The following GSG1L variants were observed in gnomAD, a reference collection of about 807,000 sequenced individuals.
GSG1L encodes the protein germ cell-specific gene 1-like protein.
Under a neutral mutation model 42.1 loss-of-function variants are expected in GSG1L, and 24 were observed. The ratio of observed to expected loss-of-function variants is 0.57; its 90% confidence interval spans 0.41 to 0.80. The LOEUF (loss-of-function observed/expected upper bound fraction) is 0.80, where lower values mean the gene tolerates loss of function less well. Ranked by LOEUF, GSG1L falls within the 30% of genes least tolerant of loss-of-function variation. GSG1L has a pLI of 0.00. For missense variants in GSG1L, 445 were observed against 472.2 expected (o/e 0.94, Z 0.53); for synonymous variants, 215 against 203.5 (o/e 1.06, Z -0.48).
intron 2 of GSG1L, among the ~76,000 whole-genome samples, chr16:27,905,709 ACTT>A (rs941265823): frequency 1.3e-5 from 2 of 152,172 alleles, no homozygotes; most frequent in East Asian, 1.9e-4. Context: ...CGAAGAATGT[ACTT>A]CTTCTGTCTC....
At chr16:27,797,248 G>A (rs972827531) in intron 6 of GSG1L, among the ~76,000 whole-genome samples, 1 of 152,206 alleles carries the variant, frequency 6.6e-6, no homozygotes, top group Non-Finnish European at 1.5e-5. Context: ...AATCTGCTGG[G>A]TGCAGTGGCA....
intron 6 of GSG1L, among the ~76,000 whole-genome samples, chr16:27,802,453 A>G (rs1315215867): frequency 2.0e-5 from 3 of 152,100 alleles, no homozygotes; most frequent in Non-Finnish European, 4.4e-5. Flanking sequence ...CCAGGGAATG[A>G]CGGCCATCCC....
chr16:28,039,631 G>A (rs979968405), intron 1 of GSG1L, among the ~76,000 whole-genome samples: 5 of 148,804 alleles, frequency 3.4e-5, no homozygotes, highest in Admixed American at 6.7e-5. Flanking sequence ...AGACATGTAC[G>A]TGCGTGCACA....
In GSG1L at chr16:28,059,442, C is replaced by T. The variant is rs536666927; in HGVS notation, c.349+3634G>A. On this transcript the variant is annotated intron_variant, in intron 1 of 6. Transcript: ENST00000447459. The surrounding 1 kb of genome is among the most constrained non-coding windows in gnomAD (Gnocchi z 4.4). ...TCTCTTCTCTCTCCAGTCTCACCTC[C>T]CTCCTGCCAGCCTGGCAAGTCCCCC... Among the ~76,000 whole-genome samples, 29 of 152,194 alleles carry T rather than the reference C, an allele frequency of 1.9e-4. No homozygotes were observed. The highest frequency in any genetic ancestry group is 6.7e-4 in the African/African-American group (28 of 41,528).
intron 3 of GSG1L, among the ~76,000 whole-genome samples, chr16:27,847,978 A>T (rs1486496379): frequency 6.6e-6 from 1 of 152,236 alleles, no homozygotes; most frequent in Non-Finnish European, 1.5e-5. Context: ...TGACTAATAC[A>T]GTCACTTACC....
intron 1 of GSG1L, among the ~76,000 whole-genome samples, chr16:28,048,713 T>G (rs2086191027): frequency 6.6e-6 from 1 of 152,242 alleles, no homozygotes; most frequent in African/African-American, 2.4e-5. Flanking sequence ...AGCACTGCAC[T>G]CATAGGATAT....
Position 28,063,192 on chromosome 16 carries a change from C to T in GSG1L, c.233G>A (p.Gly78Glu), listed in dbSNP as rs1398535490. 17 of 1,301,066 alleles carry T rather than the reference C, an allele frequency of 1.3e-5. No homozygotes were observed. The highest frequency in any genetic ancestry group is 2.2e-5 in the South Asian group (1 of 44,884). 80.6% of individuals were successfully genotyped at this position (1,301,066 alleles called of 1,614,324 possible). The change falls in exon 1 of 7, where the codon GGG (glycine) becomes GAG (glutamate). Residue 78 changes from glycine to glutamate, a missense_variant. Transcript: ENST00000447459. The surrounding 1 kb of genome is among the most constrained non-coding windows in gnomAD (Gnocchi z 5.8). ...AAAAAAATAS[G>E]NGPPGGALYS... Reference sequence around the variant, plus strand: ...GAGCGCGCCGCCAGGGGGGCCGTTCCCCGAGGCGGTGGCGGCGGCGGCGGC... The same window carrying T: ...GAGCGCGCCGCCAGGGGGGCCGTTCTCCGAGGCGGTGGCGGCGGCGGCGGC...
At chr16:27,835,376 C>T (rs2083312227) in intron 4 of GSG1L, among the ~76,000 whole-genome samples, 1 of 152,090 alleles carries the variant, frequency 6.6e-6, no homozygotes, top group African/African-American at 2.4e-5. Context: ...TACTTCCAGC[C>T]TATCTATCTC....
intron 2 of GSG1L, among the ~76,000 whole-genome samples, chr16:27,890,829 T>C (rs886138400): frequency 1.3e-5 from 2 of 152,182 alleles, no homozygotes; most frequent in Non-Finnish European, 2.9e-5. Flanking sequence ...AGAAGGTAGT[T>C]GGAGTCAACA....
intron 2 of GSG1L, among the ~76,000 whole-genome samples, chr16:27,892,924 T>G (rs933442887): frequency 6.6e-6 from 1 of 152,134 alleles, no homozygotes; most frequent in African/African-American, 2.4e-5. Context: ...GCAGAATGCC[T>G]GGCCTGTGAT....
chr16:28,025,133 A>G (rs1297542757), intron 1 of GSG1L, among the ~76,000 whole-genome samples: 33 of 152,238 alleles, frequency 2.2e-4, no homozygotes, highest in Admixed American at 2.2e-3. Flanking sequence ...ATCATGGCTC[A>G]GCAGTAGCCT....
rs183700049 is a variant in GSG1L, at chr16:28,003,655, C to A, written c.350-40452G>T. ...AGCTCCCAGAGGAGAAGAACTGGGC[C>A]GGCCAGGTCTCTCCAAAGTGTCCGT... On this transcript the variant is annotated intron_variant, in intron 1 of 6. Coordinates refer to ENST00000447459, the MANE Select transcript of GSG1L (RefSeq NM_001109763.2). Among the ~76,000 whole-genome samples, 587 of 152,244 alleles carry A rather than the reference C, an allele frequency of 3.9e-3. 4 individuals are homozygous for A. The highest frequency in any genetic ancestry group is 0.033 in the South Asian group (161 of 4,818).
At chr16:27,982,361 G>A (rs1229398068) in intron 1 of GSG1L, among the ~76,000 whole-genome samples, 3 of 152,148 alleles carry the variant, frequency 2.0e-5, no homozygotes, top group African/African-American at 7.2e-5. Context: ...ATATTTCCCA[G>A]CATCCCCCGC....
At chr16:27,897,628 C>T (rs1452396865) in intron 2 of GSG1L, among the ~76,000 whole-genome samples, 1 of 152,174 alleles carries the variant, frequency 6.6e-6, no homozygotes, top group Non-Finnish European at 1.5e-5. Context: ...AAAATCACTT[C>T]CTCCCCGAAC....
At chr16:27,997,316 T>C (rs2141140380) in intron 1 of GSG1L, among the ~76,000 whole-genome samples, 1 of 128,684 alleles carries the variant, frequency 7.8e-6, no homozygotes, top group Non-Finnish European at 1.7e-5. Context: ...CCACTTTTTT[T>C]TTTTTTTTTT....
rs2082737359 is a variant in GSG1L at position 27,790,301 on chromosome 16, TCTA to T, written c.*1066_*1068del. ...GGAAGGATAAAGGAGAAGAATATAT[TCTA>T]CGTGGGGAAAAGCTCTAGAAATTCT... On this transcript the variant is annotated 3_prime_UTR_variant, in exon 7 of 7. Transcript: ENST00000447459. The T allele has an allele frequency of 6.6e-6, 1 of 152,124 alleles. No individual in the cohort carries two copies. Among genetic ancestry groups the T allele is most frequent in the Admixed American group, 6.5e-5 (1 of 15,280 alleles). 9.4% of individuals were successfully genotyped at this position (152,124 alleles called of 1,614,324 possible).
In GSG1L at chr16:27,883,756, C is replaced by G. The variant is rs563112000; in HGVS notation, c.550+730G>C. ...TTTATAGGCTTCCTTTATTCCCTTCCTGCGTAATCCCAGCTTAACCCCTGA... is the reference window on the plus strand; with the variant it reads ...TTTATAGGCTTCCTTTATTCCCTTCGTGCGTAATCCCAGCTTAACCCCTGA... On this transcript the variant is annotated intron_variant, in intron 3 of 6. Transcript: ENST00000447459. Among the ~76,000 whole-genome samples the G allele has an allele frequency of 6.6e-5, 10 of 152,346 alleles. 1 individual carries two copies. Among genetic ancestry groups the G allele is most frequent in the Admixed American group, 6.5e-4 (10 of 15,302 alleles).
At chr16:27,828,739 T>C in intron 5 of GSG1L, 50 bp downstream of exon 5, 1 of 1,567,078 alleles carries the variant, frequency 6.4e-7, no homozygotes, top group African/African-American at 1.4e-5. Flanking sequence ...GGCCAGGCCG[T>C]GGGCTTTAGA....
chr16:27,946,567 AAGAAAGAAAGAAAGAGAGAG>A (rs1567529663), intron 2 of GSG1L, among the ~76,000 whole-genome samples: 3 of 9,830 alleles, frequency 3.1e-4, no homozygotes, highest in South Asian at 4.0e-3. Flanking sequence ...GAAAGAAAGA[AAGAAAGAAAGAAAGAGAGAG>A]AGAGAGAGAG....
Sources: gnomAD v4.1 joint callset for allele counts (sites outside exome capture counted in the v4.1 genomes callset) on GRCh38, gnomAD v4.1.1 for gene constraint, Gnocchi (gnomAD v3.1) non-coding constraint, MANE v1.5 for transcripts, NCBI Gene and HGNC (gene_info 2026-07-23, HGNC 2026-07-21) for gene names.